Variants in ABCC4 observed in about 807,000 individuals in gnomAD.
ABCC4 encodes the protein ATP binding cassette subfamily C member 4 (PEL blood group).
ABCC4 carries 102 observed loss-of-function variants against 168.5 expected under a neutral mutation model. The ratio of observed to expected loss-of-function variants is 0.61; its 90% confidence interval spans 0.52 to 0.71. The LOEUF is 0.71. Ranked by LOEUF, ABCC4 falls within the 30% of genes least tolerant of loss-of-function variation. The pLI is 0.00. For synonymous variants in ABCC4, 617 were observed against 590.7 expected, an observed-to-expected ratio of 1.04 and a Z score of -0.65; for missense variants, 1,402 against 1,605.8, an observed-to-expected ratio of 0.87 and a Z score of 2.17.
chr13:95,125,408 G>A (rs2035723909), intron 19 of ABCC4, among the ~76,000 whole-genome samples: 1 of 152,258 alleles, frequency 6.6e-6, no homozygotes, highest in Admixed American at 6.5e-5. Flanking sequence ...TATCACTCCT[G>A]CTTAGAAGGG....
chr13:95,287,600 C>A (rs1459719594), intron 1 of ABCC4, among the ~76,000 whole-genome samples: 1 of 149,956 alleles, frequency 6.7e-6, no homozygotes, highest in Non-Finnish European at 1.5e-5. Context: ...AAAAAAAAAA[C>A]TTTTTCCTTA....
intron 1 of ABCC4, among the ~76,000 whole-genome samples, chr13:95,287,448 A>G (rs2041287658): frequency 6.6e-6 from 1 of 151,692 alleles, no homozygotes; most frequent in Admixed American, 6.6e-5. Flanking sequence ...TTAGCTGGGC[A>G]TGGTGGCAGG....
chr13:95,092,237 A>G (rs1187417394), intron 20 of ABCC4, among the ~76,000 whole-genome samples: 1 of 152,222 alleles, frequency 6.6e-6, no homozygotes, highest in Non-Finnish European at 1.5e-5. Flanking sequence ...CTTCACTGAC[A>G]GCACTAGACA....
chr13:95,256,100 T>G (rs1219298779), intron 1 of ABCC4, among the ~76,000 whole-genome samples: 1 of 152,204 alleles, frequency 6.6e-6, no homozygotes, highest in East Asian at 1.9e-4. Context: ...GAGTAAGATT[T>G]TTTTTTAAGA....
chr13:95,291,009 A>AAAAAAAAAG lies in ABCC4; in HGVS notation c.74+10231_74+10232insCTTTTTTTT, dbSNP rs1394530639. On this transcript the variant is annotated intron_variant, in intron 1 of 30. Coordinates refer to ENST00000645237, the MANE Select transcript of ABCC4 (RefSeq NM_005845.5). ...CAAGACCCTGTCTCAAAAAAAAAAA[A>AAAAAAAAAG]AGAGGAAACCATGCCAAATGACTTT... is the stretch of plus-strand genomic sequence containing the variant. Among the ~76,000 whole-genome samples, 4 of 123,354 alleles carry AAAAAAAAAG rather than the reference A, an allele frequency of 3.2e-5. No homozygotes were observed. In the Admixed American group the frequency reaches 4.1e-4, roughly 13 times the overall value. 80.9% of individuals were successfully genotyped at this position (123,354 alleles called of 152,430 possible). A position where few individuals can be genotyped will look rare whatever the true frequency, so the allele number is the denominator to read the frequency against.
intron 1 of ABCC4, among the ~76,000 whole-genome samples, chr13:95,291,174 C>G (rs2041395771): frequency 6.6e-6 from 1 of 151,532 alleles, no homozygotes; most frequent in African/African-American, 2.4e-5. Flanking sequence ...GGCAACATGG[C>G]AAAACCCCAC....
At chr13:95,273,800 G>GTTT (rs10573889) in intron 1 of ABCC4, among the ~76,000 whole-genome samples, 3 of 127,110 alleles carry the variant, frequency 2.4e-5, no homozygotes, top group Non-Finnish European at 5.1e-5. Context: ...GATCTGATGG[G>GTTT]TTTTTTTTTT....
At chr13:95,111,194 T>G (rs1459292371) in intron 20 of ABCC4, among the ~76,000 whole-genome samples, 3 of 152,218 alleles carry the variant, frequency 2.0e-5, no homozygotes, top group Admixed American at 6.5e-5. Flanking sequence ...GATATTCACT[T>G]TTAACCTGTG....
chr13:95,247,393 C>G (rs2040134098), intron 2 of ABCC4, among the ~76,000 whole-genome samples: 1 of 152,188 alleles, frequency 6.6e-6, no homozygotes, highest in Non-Finnish European at 1.5e-5. Flanking sequence ...ACACTTCCAC[C>G]TAGAGGGACA....
chr13:95,180,771 AAGTTGT>A (rs763547696), intron 11 of ABCC4, among the ~76,000 whole-genome samples: 13 of 152,180 alleles, frequency 8.5e-5, no homozygotes, highest in Non-Finnish European at 2.9e-5. Context: ...AAATAGCATC[AAGTTGT>A]AGCAGAGCAA....
At chr13:95,207,727 A>C in intron 7 of ABCC4, 73 bp downstream of exon 7, 1 of 1,507,272 alleles carries the variant, frequency 6.6e-7, no homozygotes, top group South Asian at 1.2e-5. Context: ...ACATAGTAAA[A>C]CTTCTAAAAC....
intron 3 of ABCC4, among the ~76,000 whole-genome samples, chr13:95,245,099 A>G (rs1273703284): frequency 1.3e-5 from 2 of 151,998 alleles, no homozygotes; most frequent in Non-Finnish European, 2.9e-5. Flanking sequence ...GCTTACCCAA[A>G]TCTCACTGTA....
At chr13:95,138,016 C>T (rs1379808302) in intron 19 of ABCC4, among the ~76,000 whole-genome samples, 1 of 152,092 alleles carries the variant, frequency 6.6e-6, no homozygotes, top group Non-Finnish European at 1.5e-5. Flanking sequence ...CAATACTGAA[C>T]AGCATTTTTA....
At chr13:95,146,669 C>A (rs1425215306) in intron 19 of ABCC4, among the ~76,000 whole-genome samples, 2 of 152,194 alleles carry the variant, frequency 1.3e-5, no homozygotes, top group African/African-American at 4.8e-5. Flanking sequence ...GAGGGTGGAT[C>A]TACTGTGTGG....
In ABCC4 at chr13:95,111,660, A is replaced by G. The variant is rs7994474; in HGVS notation, c.2535+4262T>C. Among the ~76,000 whole-genome samples, 1,419 of 152,318 alleles carry G rather than the reference A, an allele frequency of 9.3e-3. 24 individuals carry two copies. Among genetic ancestry groups the G allele is most frequent in the African/African-American group, 0.033 (1,358 of 41,562 alleles). On this transcript the variant is annotated intron_variant, in intron 20 of 30. Transcript: ENST00000645237. ...ACCAGTGTCACTGTTCCCATCTGCA[A>G]TGAGTGCCAACATCTAACTATATAA...
At chr13:95,271,282 G>T (rs958668686) in intron 1 of ABCC4, among the ~76,000 whole-genome samples, 8 of 152,168 alleles carry the variant, frequency 5.3e-5, no homozygotes, top group Non-Finnish European at 1.2e-4. Context: ...AGTGTGCAAT[G>T]TGATAGGGGC....
At chr13:95,043,628 T>C in intron 29 of ABCC4, 54 bp downstream of exon 29, 2 of 1,446,770 alleles carry the variant, frequency 1.4e-6, no homozygotes, top group East Asian at 4.6e-5. Flanking sequence ...AGGAATAAAC[T>C]GAAAAAGTGA....
In ABCC4 at chr13:95,244,615, AAGAAAG is replaced by A. The variant is rs1566563411; in HGVS notation, c.306+2354_306+2359del. On this transcript the variant is annotated intron_variant, in intron 3 of 30. Coordinates refer to ENST00000645237, the MANE Select transcript of ABCC4 (RefSeq NM_005845.5). Reference sequence around the variant, plus strand: ...ATAACATGAAAGAAAGAAAGAAAGAAAGAAAGAAAGAAAGAAAGAAAGAAAGAAAGA... The same window carrying A: ...ATAACATGAAAGAAAGAAAGAAAGAAAAAGAAAGAAAGAAAGAAAGAAAGA... Among the ~76,000 whole-genome samples, 4 of 60,712 alleles carry A rather than the reference AAGAAAG, an allele frequency of 6.6e-5. 1 individual carries two copies. Among genetic ancestry groups the A allele is most frequent in the African/African-American group, 4.9e-4 (4 of 8,208 alleles). 39.8% of individuals were successfully genotyped at this position (60,712 alleles called of 152,430 possible). A position where few individuals can be genotyped will look rare whatever the true frequency, so the allele number is the denominator to read the frequency against.
At chr13:95,211,473 G>A (rs979842934) in intron 4 of ABCC4, among the ~76,000 whole-genome samples, 1 of 152,172 alleles carries the variant, frequency 6.6e-6, no homozygotes, top group Non-Finnish European at 1.5e-5. Context: ...GGAAGGGAAG[G>A]GCACTGCAGG....
Sources: allele counts gnomAD v4.1 joint callset (sites outside exome capture counted in the v4.1 genomes callset), GRCh38; gene constraint gnomAD v4.1.1; transcripts MANE v1.5; gene names NCBI Gene and HGNC (gene_info 2026-07-23, HGNC 2026-07-21).